The following TUG1 variants were observed in gnomAD, a reference collection of about 807,000 sequenced individuals.
TUG1 encodes taurine upregulated gene 1.
At chr22:30,977,122 T>C (rs1391700050) in exon 3 of TUG1, 1 of 152,166 alleles carries the variant, frequency 6.6e-6, no homozygotes, top group East Asian at 1.9e-4. Context: ...ATGAAGATGA[T>C]CATCTGCTCG....
intron 1 of TUG1, chr22:30,972,455 G>C (rs2041241250): frequency 6.6e-6 from 1 of 152,190 alleles, no homozygotes; most frequent in African/African-American, 2.4e-5. Flanking sequence ...GGCATTGGAA[G>C]AGGAAGAGGG....
exon 3 of TUG1, chr22:30,975,391 AAC>A (rs1202656943): frequency 1.3e-5 from 2 of 152,248 alleles, no homozygotes; most frequent in Non-Finnish European, 2.9e-5. Flanking sequence ...AACTCTTCCG[AAC>A]ACAGTTTGAA....
chr22:30,972,264 T>G (rs2041239228), intron 1 of TUG1: 1 of 152,234 alleles, frequency 6.6e-6, no homozygotes, highest in Admixed American at 6.5e-5. Context: ...TGTTTTAATG[T>G]TTTTTAATTC....
exon 2 of TUG1, chr22:30,973,382 TAGC>T (rs1233753397): frequency 6.6e-6 from 1 of 152,218 alleles, no homozygotes; most frequent in Admixed American, 6.5e-5. Flanking sequence ...AATCCTGTAG[TAGC>T]CTACTGAATG....
intron 2 of TUG1, 109 bp from the exon 3 acceptor site, chr22:30,975,061 A>G (rs143050997): frequency 6.6e-6 from 1 of 152,374 alleles, no homozygotes; most frequent in African/African-American, 2.4e-5. Context: ...TTCTAACTCC[A>G]TCAACCTGTA....
At chr22:30,972,176 A>C (rs1234692273) in intron 1 of TUG1, 2 of 150,740 alleles carry the variant, frequency 1.3e-5, no homozygotes, top group African/African-American at 4.8e-5. Flanking sequence ...CCACTCAGTA[A>C]GTGTTTTCTT....
chr22:30,971,705 T>G (rs1282747995), exon 1 of TUG1: 2 of 153,148 alleles, frequency 1.3e-5, no homozygotes, highest in Non-Finnish European at 2.9e-5. Context: ...GCACTGTTAC[T>G]GGGAATTAGA....
chr22:30,974,434 A>T (rs1190490864), intron 2 of TUG1: 1 of 151,916 alleles, frequency 6.6e-6, no homozygotes, highest in Non-Finnish European at 1.5e-5. Flanking sequence ...ACAGAAGGAT[A>T]TTTTTTTGCA....
intron 1 of TUG1, 85 bp downstream of exon 1, chr22:30,971,864 C>T (rs538408499): frequency 6.6e-6 from 1 of 152,412 alleles, no homozygotes; most frequent in African/African-American, 2.4e-5. Context: ...AACTGCTGCT[C>T]TGTGGCTTTT....
exon 3 of TUG1, chr22:30,976,981 T>A (rs2147370858): frequency 6.6e-6 from 1 of 152,282 alleles, no homozygotes; most frequent in Middle Eastern, 3.4e-3. Context: ...TATCGTCAAT[T>A]TTCTACTACC....
chr22:30,977,313 A>T (rs1379878802), exon 3 of TUG1: 1 of 152,148 alleles, frequency 6.6e-6, no homozygotes, highest in African/African-American at 2.4e-5. Flanking sequence ...ATTCTCAGAG[A>T]TCGGCTGAGT....
chr22:30,971,182 A>T (rs2041225789), exon 1 of TUG1: 1 of 152,226 alleles, frequency 6.6e-6, no homozygotes, highest in African/African-American at 2.4e-5. Flanking sequence ...GTCTGATTAG[A>T]TGTTAGCCAG....
chr22:30,976,051 G>A (rs1213714414), exon 3 of TUG1: 3 of 139,328 alleles, frequency 2.2e-5, no homozygotes, highest in African/African-American at 8.1e-5. Flanking sequence ...AGATAAATGA[G>A]CTAATAAGCT....
At position 30,975,952 on chromosome 22, in the gene TUG1, T is replaced by G. The variant is rs183746020; in HGVS notation, c.*3477T>G. On this transcript the variant is annotated 3_prime_UTR_variant, in exon 3 of 3. Transcript: ENST00000644773. Reference sequence around the variant, plus strand: ...AGGGGCTCAATATCTATCATTCGTCTTCTTTTCCAAACTACACATCACTGT... The same window carrying G: ...AGGGGCTCAATATCTATCATTCGTCGTCTTTTCCAAACTACACATCACTGT... 214 of 152,256 alleles carry G rather than the reference T, an allele frequency of 1.4e-3. 2 individuals are homozygous for G. Among genetic ancestry groups the G allele is most frequent in the Admixed American group, 0.014 (210 of 15,286 alleles). 9.4% of individuals were successfully genotyped at this position (152,256 alleles called of 1,614,324 possible). A position where few individuals can be genotyped will look rare whatever the true frequency, so the allele number is the denominator to read the frequency against.
At chr22:30,979,141 T>C (rs568433916) in exon 3 of TUG1, 43 of 152,250 alleles carry the variant, frequency 2.8e-4, no homozygotes, top group African/African-American at 1.0e-3. Context: ...ATGAATAAAG[T>C]ACATTCATTG....
Position 30,976,175 on chromosome 22 carries a change from G to A in TUG1, c.*3700G>A, listed in dbSNP as rs568835670. On this transcript the variant is annotated 3_prime_UTR_variant, in exon 3 of 3. Coordinates refer to ENST00000644773, the Ensembl canonical transcript of TUG1. ...TCACTTTAACAGTTGAACTTCAAGC[G>A]ACAATCTTTGAACACCCCTTCTCAT... The A allele has an allele frequency of 4.6e-5, 7 of 151,818 alleles. No individual in the cohort carries two copies. The South Asian group carries it at 6.3e-4, about 14-fold the overall frequency. The allele number at this position is 151,818 out of a possible 1,614,324, so 9.4% of individuals were successfully genotyped here. A position where few individuals can be genotyped will look rare whatever the true frequency, so the allele number is the denominator to read the frequency against.
chr22:30,975,010 AC>A (rs1166106403), intron 2 of TUG1, 159 bp from the exon 3 acceptor site: 2 of 152,254 alleles, frequency 1.3e-5, no homozygotes, highest in Non-Finnish European at 2.9e-5. Flanking sequence ...ATAGATACTT[AC>A]AAGCCCAACT....
exon 1 of TUG1, chr22:30,970,622 ACT>A (rs1256303783): frequency 3.3e-5 from 5 of 151,746 alleles, no homozygotes; most frequent in African/African-American, 1.2e-4. Flanking sequence ...TACTTTTCTG[ACT>A]CTCATTGACC....
exon 1 of TUG1, chr22:30,970,269 A>G (rs2041213628): frequency 6.6e-6 from 1 of 152,182 alleles, no homozygotes; most frequent in Non-Finnish European, 1.5e-5. Context: ...AGAGTTAAGA[A>G]TCACAATTTC....
Sources: gnomAD v4.1 joint callset for allele counts on GRCh38, gnomAD v4.1.1 for gene constraint, MANE v1.5 for transcripts, NCBI Gene and HGNC (gene_info 2026-07-23, HGNC 2026-07-21) for gene names.